The following PDE7B variants were observed in gnomAD, a reference collection of about 807,000 sequenced individuals.
PDE7B encodes the protein phosphodiesterase 7B.
A neutral mutation model predicts 56.2 loss-of-function variants in PDE7B; 29 were observed. The observed-to-expected ratio is 0.52, with a 90% CI of 0.38 to 0.70. The LOEUF (loss-of-function observed/expected upper bound fraction) is 0.70, where lower values mean the gene tolerates loss of function less well. Ranked by LOEUF, PDE7B falls within the 30% of genes least tolerant of loss-of-function variation. The pLI is 0.00. For missense variants in PDE7B, 490 were observed against 565.0 expected, an observed-to-expected ratio of 0.87 and a Z score of 1.35; for synonymous variants, 197 against 196.9, an observed-to-expected ratio of 1.00 and a Z score of 0.00.
In PDE7B at chr6:136,093,510, T is replaced by C. The variant is rs369156670; in HGVS notation, c.83-15221T>C. 3.2e-4 allele frequency among the ~76,000 whole-genome samples: 49 copies of C among 152,372 alleles called. No individual in the cohort carries two copies. In the East Asian group the frequency reaches 4.2e-3, roughly 13 times the overall value. Reference sequence around the variant, plus strand: ...GTATGTTATATACTTATAAAATCGATGGTAAACTTGTGTGAATGAACAGAC... The same window carrying C: ...GTATGTTATATACTTATAAAATCGACGGTAAACTTGTGTGAATGAACAGAC... On this transcript the variant is annotated intron_variant, in intron 2 of 12. Transcript: ENST00000308191.
At chr6:135,881,394 G>A (rs1399910096) in intron 1 of PDE7B, among the ~76,000 whole-genome samples, 1 of 151,456 alleles carries the variant, frequency 6.6e-6, no homozygotes, top group African/African-American at 2.4e-5. Flanking sequence ...TGTAGTCCCA[G>A]CTACTCAGGA....
chr6:136,101,760 G>A (rs1777566449), intron 2 of PDE7B, among the ~76,000 whole-genome samples: 1 of 152,158 alleles, frequency 6.6e-6, no homozygotes, highest in African/African-American at 2.4e-5. Flanking sequence ...CTCCAGTGGA[G>A]TCTACATCTT....
chr6:136,006,960 A>T (rs919411838), intron 2 of PDE7B, among the ~76,000 whole-genome samples: 20 of 152,124 alleles, frequency 1.3e-4, no homozygotes, highest in Admixed American at 1.2e-3. Flanking sequence ...ATAGAAGTAG[A>T]GAAAGAGGGC....
At chr6:135,980,052 T>C (rs1444950807) in intron 2 of PDE7B, among the ~76,000 whole-genome samples, 1 of 152,102 alleles carries the variant, frequency 6.6e-6, no homozygotes, top group African/African-American at 2.4e-5. Flanking sequence ...ACTACAAGGC[T>C]ACAGTAACCA....
chr6:135,851,854 T>C lies in PDE7B; in HGVS notation c.-145T>C, dbSNP rs1407943178. On this transcript the variant is annotated 5_prime_UTR_variant, in exon 1 of 13. Transcript: ENST00000308191. The stretch of plus-strand genomic sequence containing the variant: ...GTGTTTCTTTATTTCTTTTCCTTTT[T>C]TTTCTTTTTTTTTTTTTGTTACTTA... 8 of 651,558 alleles carry C rather than the reference T, an allele frequency of 1.2e-5. No individual in the cohort carries two copies. The highest frequency in any genetic ancestry group is 5.8e-5 in the African/African-American group (3 of 51,916). 40.4% of individuals were successfully genotyped at this position (651,558 alleles called of 1,614,324 possible).
intron 11 of PDE7B, among the ~76,000 whole-genome samples, chr6:136,182,635 C>T (rs1396232318): frequency 5.3e-5 from 8 of 152,300 alleles, no homozygotes; most frequent in South Asian, 2.1e-4. Flanking sequence ...CTTTTATTTT[C>T]TCATCTTGCA....
chr6:136,032,193 G>A (rs1278370983), intron 2 of PDE7B, among the ~76,000 whole-genome samples: 1 of 152,180 alleles, frequency 6.6e-6, no homozygotes, highest in Non-Finnish European at 1.5e-5. Context: ...TTTGTCTAGG[G>A]AAATGAGGCC....
chr6:136,167,234 A>G (rs1778809700), intron 8 of PDE7B, among the ~76,000 whole-genome samples: 1 of 152,134 alleles, frequency 6.6e-6, no homozygotes, highest in Non-Finnish European at 1.5e-5. Context: ...CTAACATGCT[A>G]TCCAACTCTT....
chr6:136,119,733 C>T (rs1342802613), intron 3 of PDE7B, among the ~76,000 whole-genome samples: 1 of 152,154 alleles, frequency 6.6e-6, no homozygotes, highest in African/African-American at 2.4e-5. Flanking sequence ...AAACAAAAAA[C>T]AGGCCAAGTG....
intron 2 of PDE7B, among the ~76,000 whole-genome samples, chr6:136,077,271 T>C (rs1398750258): frequency 6.6e-6 from 1 of 152,196 alleles, no homozygotes; most frequent in Non-Finnish European, 1.5e-5. Flanking sequence ...TATTATTGTA[T>C]TTTACCATTA....
At chr6:136,020,047 C>G (rs913180291) in intron 2 of PDE7B, among the ~76,000 whole-genome samples, 1 of 152,148 alleles carries the variant, frequency 6.6e-6, no homozygotes, top group African/African-American at 2.4e-5. Flanking sequence ...CCTGTTTTTT[C>G]ACCCAATCAG....
At chr6:136,145,294 C>T (rs746231100) in intron 3 of PDE7B, among the ~76,000 whole-genome samples, 12 of 152,004 alleles carry the variant, frequency 7.9e-5, no homozygotes, top group Middle Eastern at 3.2e-3. Flanking sequence ...TCAAATTTCC[C>T]GTATTTTCTC....
chr6:135,866,328 CA>C (rs1775260876), intron 1 of PDE7B, among the ~76,000 whole-genome samples: 1 of 152,152 alleles, frequency 6.6e-6, no homozygotes, highest in South Asian at 2.1e-4. Context: ...AAGTATTTAT[CA>C]AAATCATAAA....
At chr6:135,975,297 T>C (rs1018636428) in intron 2 of PDE7B, among the ~76,000 whole-genome samples, 1 of 152,192 alleles carries the variant, frequency 6.6e-6, no homozygotes, top group Non-Finnish European at 1.5e-5. Flanking sequence ...ACTTACACTT[T>C]AGGGGTTCTC....
intron 2 of PDE7B, among the ~76,000 whole-genome samples, chr6:136,007,372 T>C (rs528185035): frequency 6.6e-6 from 1 of 152,312 alleles, no homozygotes; most frequent in South Asian, 2.1e-4. Context: ...ACGTTTTCTT[T>C]TTTTGTTGTG....
At chr6:135,930,322 C>T (rs1307424492) in intron 1 of PDE7B, among the ~76,000 whole-genome samples, 2 of 152,114 alleles carry the variant, frequency 1.3e-5, no homozygotes, top group African/African-American at 4.8e-5. Context: ...CTTCCCACAA[C>T]AGAAGGGAAT....
At chr6:135,860,523 CAG>C (rs1775125588) in intron 1 of PDE7B, among the ~76,000 whole-genome samples, 1 of 151,990 alleles carries the variant, frequency 6.6e-6, no homozygotes, top group Admixed American at 6.6e-5. Flanking sequence ...CATTGATCAA[CAG>C]TGCATAATTT....
At chr6:136,108,499 C>A (rs1055141504) in intron 2 of PDE7B, among the ~76,000 whole-genome samples, 1 of 152,098 alleles carries the variant, frequency 6.6e-6, no homozygotes, top group Non-Finnish European at 1.5e-5. Context: ...CTGTGATTTT[C>A]ACAGACCCAT....
At chr6:135,897,741 AAAAC>A (rs1354657804) in intron 1 of PDE7B, among the ~76,000 whole-genome samples, 6 of 152,194 alleles carry the variant, frequency 3.9e-5, no homozygotes, top group Admixed American at 1.3e-4. Flanking sequence ...CCTGACAAAT[AAAAC>A]AAAGTCAGAA....
Sources: gnomAD v4.1 joint callset for allele counts (sites outside exome capture counted in the v4.1 genomes callset) on GRCh38, gnomAD v4.1.1 for gene constraint, MANE v1.5 for transcripts, NCBI Gene and HGNC (gene_info 2026-07-23, HGNC 2026-07-21) for gene names.